Variants in PFDN1 observed in about 807,000 individuals in gnomAD.
The protein encoded by PFDN1 is prefoldin 1.
A neutral mutation model predicts 17.3 loss-of-function variants in PFDN1; 6 were observed. The observed-to-expected ratio is 0.35, with a 90% CI of 0.19 to 0.69. The LOEUF (loss-of-function observed/expected upper bound fraction) is 0.69. Among genes scored for constraint, PFDN1 ranks in the 30% least tolerant of loss-of-function variants. The pLI, the probability that PFDN1 is intolerant of heterozygous loss-of-function variation, is 0.65. For synonymous variants in PFDN1, 58 were observed against 50.1 expected (o/e 1.16, Z -0.67); for missense variants, 113 against 146.2 (o/e 0.77, Z 1.17).
chr5:140,285,477 T>A (rs1765473230), intron 2 of PFDN1, among the ~76,000 whole-genome samples: 2 of 152,162 alleles, frequency 1.3e-5, no homozygotes, highest in African/African-American at 4.8e-5. Flanking sequence ...CTTCTTTTTT[T>A]AAAATTTTTT....
At chr5:140,270,807 TC>T (rs10714554) in intron 3 of PFDN1, among the ~76,000 whole-genome samples, 1,970 of 152,162 alleles carry the variant, frequency 0.013, 43 homozygotes, top group African/African-American at 0.042. Flanking sequence ...GCGCCTGTAG[TC>T]CCAGCTACTT....
intron 3 of PFDN1, among the ~76,000 whole-genome samples, chr5:140,272,877 C>T (rs2126687159): frequency 6.6e-6 from 1 of 152,152 alleles, no homozygotes; most frequent in South Asian, 2.1e-4. Flanking sequence ...TTCTTAAATG[C>T]TACATTTCAA....
At chr5:140,252,187 G>C (rs1423842219) in intron 3 of PFDN1, among the ~76,000 whole-genome samples, 1 of 151,070 alleles carries the variant, frequency 6.6e-6, no homozygotes, top group Non-Finnish European at 1.5e-5. Context: ...TTGCCTTAAA[G>C]ACTAAACAAA....
At chr5:140,300,670 C>T (rs1225087097) in intron 1 of PFDN1, 88 bp from the exon 2 acceptor site, 19 of 841,224 alleles carry the variant, frequency 2.3e-5, no homozygotes, top group Non-Finnish European at 3.3e-5. Context: ...ACAAAATATG[C>T]TAGCCAGAGA....
rs549171688 is a variant in PFDN1 at position 140,246,348 on chromosome 5, G to A, written c.286-291C>T. ...AGGAAGAAGACTCTAAAAAACAGGC[G>A]TCTCAGTACATGAAGTTATCCCAGA... On this transcript the variant is annotated intron_variant, in intron 3 of 3. Transcript: ENST00000261813. Among the ~76,000 whole-genome samples the A allele has an allele frequency of 2.6e-5, 4 of 152,284 alleles. 1 individual carries two copies. The highest frequency in any genetic ancestry group is 9.6e-5 in the African/African-American group (4 of 41,558).
intron 3 of PFDN1, among the ~76,000 whole-genome samples, chr5:140,269,294 T>C (rs958903289): frequency 6.6e-6 from 1 of 151,546 alleles, no homozygotes; most frequent in Non-Finnish European, 1.5e-5. Flanking sequence ...ATTATAGGCA[T>C]GAGCCACAGC....
intron 3 of PFDN1, among the ~76,000 whole-genome samples, chr5:140,258,656 T>C (rs765274061): frequency 3.3e-5 from 5 of 152,136 alleles, no homozygotes; most frequent in African/African-American, 7.2e-5. Flanking sequence ...ATAACCTTCA[T>C]TAGACATCAG....
chr5:140,252,495 C>G (rs1764928196), intron 3 of PFDN1, among the ~76,000 whole-genome samples: 1 of 152,174 alleles, frequency 6.6e-6, no homozygotes, highest in Non-Finnish European at 1.5e-5. Flanking sequence ...TGGACACCAC[C>G]ACCAACTTCA....
chr5:140,279,830 T>C (rs1765362694), intron 3 of PFDN1, among the ~76,000 whole-genome samples: 1 of 151,018 alleles, frequency 6.6e-6, no homozygotes, highest in Admixed American at 6.6e-5. Flanking sequence ...ATCCCATCTC[T>C]ACTAAAAACA....
intron 3 of PFDN1, among the ~76,000 whole-genome samples, chr5:140,247,113 GCT>G (rs1282893866): frequency 6.6e-6 from 1 of 152,154 alleles, no homozygotes; most frequent in Admixed American, 6.5e-5. Flanking sequence ...GGACAAGTGA[GCT>G]CTCTGTCCAA....
chr5:140,281,549 A>C lies in PFDN1; in HGVS notation c.201-16T>G. 1 of 1,404,900 alleles carries C rather than the reference A, an allele frequency of 7.1e-7. No individual in the cohort carries two copies. The highest frequency in any genetic ancestry group is 1.0e-6 in the Non-Finnish European group (1 of 991,644). 87.0% of individuals were successfully genotyped at this position (1,404,900 alleles called of 1,614,324 possible). A position where few individuals can be genotyped will look rare whatever the true frequency, so the allele number is the denominator to read the frequency against. On this transcript the variant is annotated splice_polypyrimidine_tract_variant and intron_variant, in intron 2 of 3. Transcript: ENST00000261813. ...AAGAATAAACCTATGAAACACAAGA[A>C]AGTTGAAAATTAAGCCACATGACTA...
At chr5:140,272,148 T>C (rs1029066343) in intron 3 of PFDN1, among the ~76,000 whole-genome samples, 2 of 150,310 alleles carry the variant, frequency 1.3e-5, no homozygotes, top group African/African-American at 2.4e-5. Flanking sequence ...GCCTCCCGAG[T>C]AGCTGGGGCT....
At chr5:140,279,841 C>A (rs981106016) in intron 3 of PFDN1, among the ~76,000 whole-genome samples, 1 of 151,218 alleles carries the variant, frequency 6.6e-6, no homozygotes, top group Admixed American at 6.6e-5. Context: ...ACTAAAAACA[C>A]AAAATTAGCA....
chr5:140,297,917 G>C (rs1453556248), intron 2 of PFDN1, among the ~76,000 whole-genome samples: 1 of 152,182 alleles, frequency 6.6e-6, no homozygotes, highest in Non-Finnish European at 1.5e-5. Context: ...GGCTAGCGCA[G>C]TGATGTGAAA....
chr5:140,255,309 G>GTTTTAAAACT (rs1764970469), intron 3 of PFDN1, among the ~76,000 whole-genome samples: 1 of 152,096 alleles, frequency 6.6e-6, no homozygotes, highest in South Asian at 2.1e-4. Context: ...TGTTTTTAAA[G>GTTTTAAAACT]GAATCAAAAT....
chr5:140,264,020 C>CAAAAAAAAAAAAAAAAA (rs58605224), intron 3 of PFDN1, among the ~76,000 whole-genome samples: 9 of 55,576 alleles, frequency 1.6e-4, no homozygotes, highest in Non-Finnish European at 3.0e-4. Context: ...GACTCCATCT[C>CAAAAAAAAAAAAAAAAA]AAAAAAAAAA....
chr5:140,300,364 C>T, intron 2 of PFDN1, 52 bp downstream of exon 2: 1 of 1,343,418 alleles, frequency 7.4e-7, no homozygotes, highest in Non-Finnish European at 1.0e-6. Context: ...TTCTATTTAA[C>T]TCGGACAAAA....
intron 2 of PFDN1, among the ~76,000 whole-genome samples, chr5:140,289,919 C>A (rs1765554833): frequency 6.6e-6 from 1 of 152,174 alleles, no homozygotes; most frequent in African/African-American, 2.4e-5. Flanking sequence ...TCCACTTCCA[C>A]CACCTTAATT....
intron 3 of PFDN1, among the ~76,000 whole-genome samples, chr5:140,260,158 CA>C (rs1765042863): frequency 6.6e-6 from 1 of 151,812 alleles, no homozygotes; most frequent in Non-Finnish European, 1.5e-5. Context: ...GGCAACATAG[CA>C]AGACCTCCGT....
Sources: gnomAD v4.1 joint callset for allele counts (sites outside exome capture counted in the v4.1 genomes callset) on GRCh38, gnomAD v4.1.1 for gene constraint, MANE v1.5 for transcripts, NCBI Gene and HGNC (gene_info 2026-07-23, HGNC 2026-07-21) for gene names.